The following YIPF7 variants were observed in gnomAD, a reference collection of about 807,000 sequenced individuals.
YIPF7 encodes the protein Yip1 domain family member 7.
A neutral mutation model predicts 27.2 loss-of-function variants in YIPF7; 35 were observed. That is an observed-to-expected ratio of 1.29 (90% CI 0.98 to 1.70). The LOEUF is 1.70. Among genes scored for constraint, YIPF7 ranks in the 40% most tolerant of loss-of-function variants. The pLI, the probability that YIPF7 is intolerant of heterozygous loss-of-function variation, is 0.00. For missense variants in YIPF7, 358 were observed against 303.7 expected (o/e 1.18, Z -1.33); for synonymous variants, 137 against 110.4 (o/e 1.24, Z -1.51).
In YIPF7 at chr4:44,626,763, C is replaced by CTTTTTTTTTTTTTTTT. The variant is rs71190269; in HGVS notation, c.427-1997_427-1982dup. Among the ~76,000 whole-genome samples the CTTTTTTTTTTTTTTTT allele has an allele frequency of 4.4e-4, 31 of 69,778 alleles. 5 individuals are homozygous for CTTTTTTTTTTTTTTTT. Among genetic ancestry groups the CTTTTTTTTTTTTTTTT allele is most frequent in the Admixed American group, 9.8e-4 (4 of 4,094 alleles). The allele number at this position is 69,778 out of a possible 152,430, so 45.8% of individuals were successfully genotyped here. Reference sequence around the variant, plus strand: ...CCCTATTCCATCCTCATTAGCACATCTTTTTTTTTTTTTTTTTTTTTTTTT... The same window carrying CTTTTTTTTTTTTTTTT: ...CCCTATTCCATCCTCATTAGCACATCTTTTTTTTTTTTTTTTTTTTTTTTTTTTTTTTTTTTTTTTT... On this transcript the variant is annotated intron_variant, in intron 4 of 5. Transcript: ENST00000415895.
chr4:44,651,530 CT>C, intron 1 of YIPF7, 23 bp downstream of exon 1: 4 of 1,527,630 alleles, frequency 2.6e-6, no homozygotes, highest in Non-Finnish European at 3.5e-6. Context: ...AATGCCAAGT[CT>C]TTTAGAAGGA....
At chr4:44,658,058 AAAAT>A (rs1022492556) in intron 2 of YIPF7, among the ~76,000 whole-genome samples, 22 of 152,126 alleles carry the variant, frequency 1.4e-4, no homozygotes, top group Non-Finnish European at 2.9e-5. Flanking sequence ...ACCTTTATAA[AAAAT>A]AAATAAATAC....
intron 2 of YIPF7, among the ~76,000 whole-genome samples, chr4:44,643,293 A>T (rs929718079): frequency 7.2e-5 from 11 of 152,182 alleles, no homozygotes; most frequent in African/African-American, 2.7e-4. Flanking sequence ...AAAAGTTAGA[A>T]TGATGGTTTA....
At chr4:44,638,443 C>A (rs1023255413) in intron 2 of YIPF7, among the ~76,000 whole-genome samples, 59 of 149,370 alleles carry the variant, frequency 3.9e-4, no homozygotes, top group African/African-American at 1.4e-3. Flanking sequence ...AAATGACCAA[C>A]AAACATATGA....
At position 44,657,579 on chromosome 4, in the gene YIPF7, G is replaced by T. The variant is rs531570655; in HGVS notation, c.-2+2870C>A. Among the ~76,000 whole-genome samples the T allele has an allele frequency of 1.2e-4, 19 of 152,272 alleles. No individual in the cohort carries two copies. The South Asian group carries it at 3.9e-3, about 32-fold the overall frequency. ...TGCTTGGAGTCAACCTCCTGCCAGA[G>T]CCTGGGTAAAATTTCTGTGATAAGG... On this transcript the variant is annotated intron_variant, in intron 2 of 2. Coordinates refer to the YIPF7 transcript ENST00000508947.
intron 3 of YIPF7, among the ~76,000 whole-genome samples, chr4:44,631,810 A>G (rs1712908778): frequency 6.6e-6 from 1 of 152,196 alleles, no homozygotes; most frequent in East Asian, 1.9e-4. Context: ...CATATTTTAA[A>G]TTAATTAATT....
intron 4 of YIPF7, among the ~76,000 whole-genome samples, chr4:44,628,881 G>A (rs1712767752): frequency 6.6e-6 from 1 of 152,100 alleles, no homozygotes; most frequent in Admixed American, 6.5e-5. Flanking sequence ...GAAATATGTA[G>A]GTTGAGTAAA....
intron 2 of YIPF7, among the ~76,000 whole-genome samples, chr4:44,659,151 T>C (rs956939684): frequency 2.0e-5 from 3 of 152,188 alleles, no homozygotes; most frequent in Non-Finnish European, 4.4e-5. Context: ...GCAACACCCA[T>C]TTTCATCCCT....
intron 3 of YIPF7, among the ~76,000 whole-genome samples, chr4:44,631,631 T>G (rs1243196029): frequency 6.6e-6 from 1 of 152,108 alleles, no homozygotes; most frequent in Admixed American, 6.6e-5. Flanking sequence ...AGCAAATAAT[T>G]TACATTTCTG....
At chr4:44,650,481 A>G (rs752077551) in intron 1 of YIPF7, among the ~76,000 whole-genome samples, 1 of 138,124 alleles carries the variant, frequency 7.2e-6, no homozygotes, top group Non-Finnish European at 1.5e-5. Context: ...CATTTTAAGC[A>G]GGCGCACACA....
At chr4:44,635,835 A>G (rs1713095111) in intron 3 of YIPF7, 87 bp downstream of exon 3, 1 of 1,436,492 alleles carries the variant, frequency 7.0e-7, no homozygotes, top group South Asian at 1.3e-5. Flanking sequence ...GACACTGTAC[A>G]CTGCAGGCTG....
At position 44,622,391 on chromosome 4, in the gene YIPF7, T is replaced by C. The variant is rs1350424225; in HGVS notation, c.*23A>G. Reference sequence around the variant, plus strand: ...ATAATCTGGACAGCAAACAGAGTCTTGAAATGCCATCTCAAACATTCTTTA... The same window carrying C: ...ATAATCTGGACAGCAAACAGAGTCTCGAAATGCCATCTCAAACATTCTTTA... On this transcript the variant is annotated 3_prime_UTR_variant, in exon 6 of 6. Coordinates refer to ENST00000415895, the MANE Select transcript of YIPF7 (RefSeq NM_182592.3). 9.4e-6 allele frequency: 15 copies of C among 1,602,148 alleles called. No homozygotes were observed. The highest frequency in any genetic ancestry group is 1.3e-5 in the Non-Finnish European group (15 of 1,174,790).
rs530497819 is a variant in YIPF7, at chr4:44,645,397, G to A, written c.116+4588C>T. ...TCATGAAAAAAGTCTCTGAGATAAT[G>A]GATCTGGACACTTCACTATTTGCTC... On this transcript the variant is annotated intron_variant, in intron 2 of 5. Transcript: ENST00000415895. 7.9e-5 allele frequency among the ~76,000 whole-genome samples: 12 copies of A among 152,216 alleles called. No individual in the cohort carries two copies. In the South Asian group the frequency reaches 2.5e-3, roughly 32 times the overall value.
At chr4:44,639,792 C>T (rs1713265270) in intron 2 of YIPF7, among the ~76,000 whole-genome samples, 1 of 151,966 alleles carries the variant, frequency 6.6e-6, no homozygotes, top group African/African-American at 2.4e-5. Flanking sequence ...AAAATGCTTT[C>T]AACTTTTCAC....
intron 2 of YIPF7, 147 bp downstream of exon 2, chr4:44,649,838 A>ATT: frequency 1.8e-6 from 1 of 555,054 alleles, no homozygotes; most frequent in Non-Finnish European, 3.1e-6. Flanking sequence ...GCTTTCTTGG[A>ATT]TTTTTTTTGT....
intron 2 of YIPF7, among the ~76,000 whole-genome samples, chr4:44,638,501 A>G (rs1415941206): frequency 6.6e-6 from 1 of 151,974 alleles, no homozygotes; most frequent in East Asian, 1.9e-4. Context: ...AATCAAAACC[A>G]TGATGCAATA....
At chr4:44,654,787 T>A (rs1048015747), upstream of YIPF7, among the ~76,000 whole-genome samples, 1 of 152,010 alleles carries the variant, frequency 6.6e-6, no homozygotes, top group African/African-American at 2.4e-5. Flanking sequence ...TAAATATATC[T>A]CTCACTAACC....
intron 2 of YIPF7, among the ~76,000 whole-genome samples, chr4:44,647,778 T>C (rs1370013582): frequency 6.6e-6 from 1 of 152,124 alleles, no homozygotes; most frequent in Non-Finnish European, 1.5e-5. Context: ...GTGATCAGTC[T>C]GTAAAAAGAG....
At chr4:44,637,644 A>T (rs1429604916) in intron 2 of YIPF7, among the ~76,000 whole-genome samples, 1 of 152,148 alleles carries the variant, frequency 6.6e-6, no homozygotes, top group African/African-American at 2.4e-5. Flanking sequence ...ATTTGGTTAC[A>T]TGAGTAAGTT....
Sources: gnomAD v4.1 joint callset for allele counts (sites outside exome capture counted in the v4.1 genomes callset) on GRCh38, gnomAD v4.1.1 for gene constraint, MANE v1.5 for transcripts, NCBI Gene and HGNC (gene_info 2026-07-23, HGNC 2026-07-21) for gene names.